ST3GAL3: variants seen among roughly 807,000 people sequenced by gnomAD.
The protein encoded by ST3GAL3 is ST3 beta-galactoside alpha-2,3-sialyltransferase 3.
A neutral mutation model predicts 50.1 loss-of-function variants in ST3GAL3; 21 were observed. That is an observed-to-expected ratio of 0.42 (90% CI 0.30 to 0.60). The LOEUF is 0.60. ST3GAL3 is among the 20% of genes least tolerant of loss of function. ST3GAL3 has a pLI of 0.19. For synonymous variants in ST3GAL3, 183 were observed against 190.0 expected, an observed-to-expected ratio of 0.96 and a Z score of 0.30; for missense variants, 353 against 489.4, an observed-to-expected ratio of 0.72 and a Z score of 2.63.
At chr1:43,756,116 A>AAAAAAAAAAAAAAAAAAAAAAAAAAG (rs763780680) in intron 2 of ST3GAL3, among the ~76,000 whole-genome samples, 1 of 136,816 alleles carries the variant, frequency 7.3e-6, no homozygotes, top group Admixed American at 7.9e-5. Context: ...AAAAAAAAAA[A>AAAAAAAAAAAAAAAAAAAAAAAAAAG]AAGAAGAAGA....
At chr1:43,901,557 A>C (rs184999329) in intron 9 of ST3GAL3, among the ~76,000 whole-genome samples, 3 of 152,380 alleles carry the variant, frequency 2.0e-5, no homozygotes, top group Non-Finnish European at 2.9e-5. Flanking sequence ...GAAGGAAGCC[A>C]GCTAGAGTCG....
intron 3 of ST3GAL3, among the ~76,000 whole-genome samples, chr1:43,800,856 A>C (rs2059237992): frequency 6.6e-6 from 1 of 152,214 alleles, no homozygotes; most frequent in Non-Finnish European, 1.5e-5. Flanking sequence ...GCCATGGCAT[A>C]TATTACATAT....
intron 2 of ST3GAL3, among the ~76,000 whole-genome samples, chr1:43,786,010 T>C (rs1165040688): frequency 6.6e-6 from 1 of 152,190 alleles, no homozygotes; most frequent in Non-Finnish European, 1.5e-5. Flanking sequence ...GTTTTCCCTT[T>C]TAAGCATTTT....
intron 4 of ST3GAL3, among the ~76,000 whole-genome samples, chr1:43,825,851 C>T (rs1357162600): frequency 6.6e-6 from 1 of 151,976 alleles, no homozygotes; most frequent in Non-Finnish European, 1.5e-5. Flanking sequence ...AGAAAATCAA[C>T]AAAACAAAAG....
chr1:43,924,531 A>C (rs1460402103), intron 11 of ST3GAL3, among the ~76,000 whole-genome samples: 1 of 152,202 alleles, frequency 6.6e-6, no homozygotes, highest in Non-Finnish European at 1.5e-5. Flanking sequence ...GTGGGGAGAC[A>C]TGGGTGAGTT....
intron 2 of ST3GAL3, chr1:43,771,786 A>G (rs1460828845): frequency 2.6e-6 from 1 of 386,288 alleles, no homozygotes; most frequent in Non-Finnish European, 4.5e-6. Context: ...TATCTGCACT[A>G]TCCAGATCAT....
chr1:43,771,434 C>T (rs918691077), intron 2 of ST3GAL3, among the ~76,000 whole-genome samples: 64 of 151,896 alleles, frequency 4.2e-4, no homozygotes, highest in South Asian at 1.0e-3. Context: ...CTCGGCTCAC[C>T]GCAGGCTCCG....
rs2077984638 is a variant in ST3GAL3, at chr1:43,899,786, G to A, written c.744+59G>A. On this transcript the variant is annotated intron_variant, in intron 9 of 11. Coordinates refer to ENST00000347631, the MANE Select transcript of ST3GAL3 (RefSeq NM_006279.5). This position sits in a 1 kb window ranked among gnomAD's most constrained non-coding sequence, Gnocchi z 5.4. ...TGCCCTGGGCTTCCGCAACTCCTAA[G>A]CAATCCCGCCCCTTGAATGCAGCAA... 1.3e-6 allele frequency: 2 copies of A among 1,483,752 alleles called. No individual in the cohort carries two copies. The highest frequency in any genetic ancestry group is 1.4e-5 in the African/African-American group (1 of 72,144). 91.9% of individuals were successfully genotyped at this position (1,483,752 alleles called of 1,614,324 possible).
chr1:43,723,692 A>G (rs1240275110), intron 1 of ST3GAL3, among the ~76,000 whole-genome samples: 1 of 152,014 alleles, frequency 6.6e-6, no homozygotes, highest in African/African-American at 2.4e-5. Flanking sequence ...GCTCACTGCA[A>G]CCTCTGCCTC....
chr1:43,748,161 A>C (rs1027065882), intron 2 of ST3GAL3, among the ~76,000 whole-genome samples: 2 of 152,156 alleles, frequency 1.3e-5, no homozygotes, highest in Non-Finnish European at 1.5e-5. Context: ...AATATCACAC[A>C]ATATATAAAA....
chr1:43,911,538 T>C (rs1206217700), intron 9 of ST3GAL3, among the ~76,000 whole-genome samples: 1 of 151,854 alleles, frequency 6.6e-6, no homozygotes, highest in African/African-American at 2.4e-5. Flanking sequence ...TATAGACATA[T>C]CTGTAGCTAT....
intron 2 of ST3GAL3, among the ~76,000 whole-genome samples, chr1:43,768,660 A>T (rs1694003894): frequency 6.6e-6 from 1 of 152,178 alleles, no homozygotes. Context: ...GTGAAAATAG[A>T]TCCATTTCTA....
At chr1:43,745,120 A>T (rs1188431693) in intron 2 of ST3GAL3, among the ~76,000 whole-genome samples, 1 of 152,242 alleles carries the variant, frequency 6.6e-6, no homozygotes, top group African/African-American at 2.4e-5. Flanking sequence ...TACAGGAAAG[A>T]TGAAGACCAC....
chr1:43,909,555 T>A (rs1460063194), intron 9 of ST3GAL3, among the ~76,000 whole-genome samples: 1 of 152,038 alleles, frequency 6.6e-6, no homozygotes, highest in Non-Finnish European at 1.5e-5. Context: ...ATAGCACACA[T>A]CAAAATAAAT....
intron 11 of ST3GAL3, among the ~76,000 whole-genome samples, chr1:43,924,217 T>C (rs1195594151): frequency 6.6e-6 from 1 of 152,106 alleles, no homozygotes; most frequent in African/African-American, 2.4e-5. Context: ...TCATTGTGGG[T>C]CTGGGACAGT....
chr1:43,813,529 C>T (rs1191173359), intron 3 of ST3GAL3, among the ~76,000 whole-genome samples: 2 of 152,176 alleles, frequency 1.3e-5, no homozygotes, highest in Non-Finnish European at 2.9e-5. Flanking sequence ...AGGCCATTCT[C>T]TTGGGAGGCA....
At chr1:43,807,417 A>AAAATGAATAAAT (rs2060023736) in intron 3 of ST3GAL3, among the ~76,000 whole-genome samples, 1 of 142,614 alleles carries the variant, frequency 7.0e-6, no homozygotes, top group Non-Finnish European at 1.5e-5. Context: ...CTCTGTCTCA[A>AAAATGAATAAAT]AAATAAATAA....
chr1:43,921,024 C>T (rs2082939821), intron 11 of ST3GAL3, 96 bp downstream of exon 11: 1 of 1,394,016 alleles, frequency 7.2e-7, no homozygotes, highest in African/African-American at 1.4e-5. Context: ...GGTCTGGCTG[C>T]CCAGAACTCC....
intron 6 of ST3GAL3, chr1:43,896,950 T>C (rs571928594): frequency 6.6e-6 from 1 of 152,342 alleles, no homozygotes; most frequent in African/African-American, 2.4e-5. Flanking sequence ...TACATGTATT[T>C]GTGTATATGT....
Sources: gnomAD v4.1 joint callset for allele counts (sites outside exome capture counted in the v4.1 genomes callset) on GRCh38, gnomAD v4.1.1 for gene constraint, Gnocchi (gnomAD v3.1) non-coding constraint, MANE v1.5 for transcripts, NCBI Gene and HGNC (gene_info 2026-07-23, HGNC 2026-07-21) for gene names.